Variants in ESCO1 observed in about 807,000 individuals in gnomAD.
ESCO1 encodes the protein N-acetyltransferase ESCO1.
ESCO1 carries 33 observed loss-of-function variants against 83.5 expected under a neutral mutation model. The ratio of observed to expected loss-of-function variants is 0.40; its 90% CI spans 0.30 to 0.53. ESCO1 has a LOEUF of 0.53. Ranked by LOEUF, ESCO1 falls within the 20% of genes least tolerant of loss-of-function variation. The pLI is 0.63. For missense variants in ESCO1, 855 were observed against 968.0 expected (o/e 0.88, Z 1.55); for synonymous variants, 332 against 324.3 (o/e 1.02, Z -0.25).
intron 1 of ESCO1, among the ~76,000 whole-genome samples, chr18:21,589,589 C>G (rs1045615952): frequency 2.6e-5 from 4 of 152,032 alleles, no homozygotes; most frequent in African/African-American, 9.7e-5. Flanking sequence ...GGACTTTTTC[C>G]CCAAGCTGCT....
Position 21,588,746 on chromosome 18 carries a change from A to T in ESCO1, c.-824-4306T>A, listed in dbSNP as rs145532871. On this transcript the variant is annotated intron_variant, in intron 1 of 11. Coordinates refer to ENST00000269214, the MANE Select transcript of ESCO1 (RefSeq NM_052911.3). ...AGCCTGGACAACATGGCAAAACCCT[A>T]TCTCTACAAAAAATACAAAAATAGC... 5.5e-4 allele frequency among the ~76,000 whole-genome samples: 84 copies of T among 151,958 alleles called. 1 individual carries two copies. The East Asian group carries it at 0.013, about 24-fold the overall frequency.
Position 21,532,772 on chromosome 18 carries a change from C to T in ESCO1, c.2188-112G>A, listed in dbSNP as rs1012726321. 6.3e-6 allele frequency: 6 copies of T among 951,052 alleles called. No homozygotes were observed. In the African/African-American group the frequency reaches 9.9e-5, roughly 16 times the overall value. 58.9% of individuals were successfully genotyped at this position (951,052 alleles called of 1,614,324 possible). A position where few individuals can be genotyped will look rare whatever the true frequency, so the allele number is the denominator to read the frequency against. On this transcript the variant is annotated intron_variant, in intron 10 of 11. Transcript: ENST00000269214. ...TGACTGGCTTAACAAACTATGGGGC[C>T]ACTTATGCTTTCACTCTCATTTTTA...
chr18:21,569,715 C>T (rs1310566624), intron 4 of ESCO1, among the ~76,000 whole-genome samples: 2 of 152,142 alleles, frequency 1.3e-5, no homozygotes, highest in Non-Finnish European at 2.9e-5. Context: ...TTGCACTTAG[C>T]TGGGTGTGGT....
chr18:21,552,427 A>C (rs1259004066), intron 8 of ESCO1, among the ~76,000 whole-genome samples: 1 of 152,168 alleles, frequency 6.6e-6, no homozygotes, highest in African/African-American at 2.4e-5. Context: ...TGGTTTTATA[A>C]GGGGGTTTTC....
intron 8 of ESCO1, among the ~76,000 whole-genome samples, chr18:21,551,471 T>C (rs2038047286): frequency 6.6e-6 from 1 of 152,082 alleles, no homozygotes; most frequent in Non-Finnish European, 1.5e-5. Context: ...CTAAATGAAC[T>C]GATCTTCAGA....
chr18:21,579,046 G>A (rs368353920), intron 2 of ESCO1, among the ~76,000 whole-genome samples: 10 of 152,250 alleles, frequency 6.6e-5, no homozygotes, highest in African/African-American at 2.4e-4. Context: ...ATTTTTAGTA[G>A]AGATCAGGTT....
At chr18:21,566,393 G>A (rs952202078) in intron 5 of ESCO1, among the ~76,000 whole-genome samples, 187 bp from the exon 6 acceptor site, 5 of 152,076 alleles carry the variant, frequency 3.3e-5, no homozygotes, top group Non-Finnish European at 7.4e-5. Flanking sequence ...AGGCAGAAAG[G>A]CTGTCTCATA....
At chr18:21,547,214 G>A (rs1300231822) in intron 8 of ESCO1, among the ~76,000 whole-genome samples, 1 of 151,692 alleles carries the variant, frequency 6.6e-6, no homozygotes, top group Non-Finnish European at 1.5e-5. Context: ...ATCGTCCCTC[G>A]CACTGATCTG....
chr18:21,557,525 T>C (rs559645690), intron 8 of ESCO1, among the ~76,000 whole-genome samples: 8 of 152,244 alleles, frequency 5.3e-5, no homozygotes, highest in Non-Finnish European at 5.9e-5. Context: ...GCTTTAATAG[T>C]TTCTTAGATC....
At chr18:21,543,378 G>A (rs2037931514) in intron 8 of ESCO1, among the ~76,000 whole-genome samples, 1 of 152,106 alleles carries the variant, frequency 6.6e-6, no homozygotes, top group South Asian at 2.1e-4. Flanking sequence ...GGCTGGTTTC[G>A]AACTCCCGAC....
intron 2 of ESCO1, among the ~76,000 whole-genome samples, chr18:21,577,436 G>A (rs2038434707): frequency 6.7e-6 from 1 of 148,380 alleles, no homozygotes; most frequent in Non-Finnish European, 1.5e-5. Flanking sequence ...GAGGCGGGCA[G>A]ATTCACGAGG....
intron 1 of ESCO1, among the ~76,000 whole-genome samples, chr18:21,600,199 G>A (rs1389036473): frequency 6.6e-6 from 1 of 152,240 alleles, no homozygotes; most frequent in Non-Finnish European, 1.5e-5. Flanking sequence ...AAACGCAGGG[G>A]GCGGAGACGG....
intron 2 of ESCO1, among the ~76,000 whole-genome samples, chr18:21,580,613 G>A (rs564693642): frequency 3.9e-4 from 60 of 152,292 alleles, no homozygotes; most frequent in African/African-American, 1.2e-3. Context: ...ACAAAAAAAT[G>A]AGACTGCACA....
chr18:21,585,505 T>C (rs1333622135), intron 1 of ESCO1, among the ~76,000 whole-genome samples: 2 of 152,228 alleles, frequency 1.3e-5, no homozygotes, highest in African/African-American at 4.8e-5. Context: ...GTTTTATTTC[T>C]GGACTCTCAA....
Position 21,568,017 on chromosome 18 carries a change from A to T in ESCO1, c.1608T>A (p.Ser536Arg), listed in dbSNP as rs1568103986. The T allele has an allele frequency of 6.2e-7, 1 of 1,613,752 alleles. No homozygotes were observed. Among genetic ancestry groups the T allele is most frequent in the Middle Eastern group, 1.7e-4 (1 of 6,060 alleles). ...TCTCTCCTGTATCAATTTTTGCTTG[A>T]CTGAGCAGAGTCGAAGCAGCAGTAA... ...ENVTAASTLL[S>R]QAKIDTGENK... Residue 536 changes from serine to arginine, a missense_variant, in exon 5 of 12, where the codon AGT (serine) becomes AGA (arginine). Physicochemically the swap from Ser to Arg is moderately radical, Grantham distance 110 (BLOSUM62 -1). Transcript: ENST00000269214.
intron 8 of ESCO1, among the ~76,000 whole-genome samples, chr18:21,544,379 G>A (rs1384327156): frequency 6.6e-6 from 1 of 151,944 alleles, no homozygotes; most frequent in Non-Finnish European, 1.5e-5. Flanking sequence ...GGCCAAGGCA[G>A]GCGGATTACC....
At position 21,548,538 on chromosome 18, in the gene ESCO1, G is replaced by A. The variant is rs573638287; in HGVS notation, c.1954-8529C>T. On this transcript the variant is annotated intron_variant, in intron 8 of 11. Coordinates refer to ENST00000269214, the MANE Select transcript of ESCO1 (RefSeq NM_052911.3). ...AAAGGCCAGGGGGGTGGTGGATCAT[G>A]CCTGTAATCCCAGCACTTTGGGAGG... Among the ~76,000 whole-genome samples the A allele has an allele frequency of 2.4e-4, 37 of 151,734 alleles. 1 individual carries two copies. In the South Asian group the frequency reaches 7.7e-3, roughly 32 times the overall value.
At chr18:21,552,083 A>G (rs2038053771) in intron 8 of ESCO1, among the ~76,000 whole-genome samples, 1 of 152,226 alleles carries the variant, frequency 6.6e-6, no homozygotes, top group Non-Finnish European at 1.5e-5. Flanking sequence ...ATGCAATCCT[A>G]ATAAAGATCC....
chr18:21,538,366 T>C lies in ESCO1; in HGVS notation c.2043+1554A>G, dbSNP rs1252742250. Among the ~76,000 whole-genome samples the C allele has an allele frequency of 2.0e-5, 3 of 152,044 alleles. No individual in the cohort carries two copies. The East Asian group carries it at 5.8e-4, about 29-fold the overall frequency. On this transcript the variant is annotated intron_variant, in intron 9 of 11. Coordinates refer to ENST00000269214, the MANE Select transcript of ESCO1 (RefSeq NM_052911.3). ...CCAGCACCCATAACTACTACACTGT[T>C]CGTGGGTCAGCTGTGGTTAATCACT...
Sources: gnomAD v4.1 joint callset for allele counts (sites outside exome capture counted in the v4.1 genomes callset) on GRCh38, gnomAD v4.1.1 for gene constraint, MANE v1.5 for transcripts, NCBI Gene and HGNC (gene_info 2026-07-23, HGNC 2026-07-21) for gene names.